Variants in OTOF observed in about 807,000 individuals in gnomAD.
OTOF encodes otoferlin.
In OTOF, 218 loss-of-function variants were observed where a neutral mutation model predicts 236.8. The ratio of observed to expected loss-of-function variants is 0.92; its 90% CI spans 0.82 to 1.03. The LOEUF is 1.03. OTOF is among the 50% of genes least tolerant of loss of function. OTOF has a pLI of 0.00. For missense variants in OTOF, 2,590 were observed against 2,694.4 expected (o/e 0.96, Z 0.86); for synonymous variants, 1,041 against 1,072.5 (o/e 0.97, Z 0.57).
At chr2:26,469,165 A>G (rs945813544) in intron 32 of OTOF, among the ~76,000 whole-genome samples, 6 of 152,256 alleles carry the variant, frequency 3.9e-5, no homozygotes, top group African/African-American at 1.4e-4. Context: ...TTAATGTACA[A>G]AAGTATAACA....
intron 1 of OTOF, among the ~76,000 whole-genome samples, chr2:26,539,544 T>C (rs1166466363): frequency 1.3e-5 from 2 of 152,156 alleles, no homozygotes; most frequent in Non-Finnish European, 2.9e-5. Flanking sequence ...GAGACCTGCT[T>C]GACCAACATG....
intron 15 of OTOF, 84 bp from the exon 16 acceptor site, chr2:26,480,395 G>T: frequency 1.2e-6 from 1 of 861,570 alleles, no homozygotes; most frequent in Non-Finnish European, 1.9e-6. Context: ...CTCACAGACA[G>T]GCCGTGGGGG....
chr2:26,507,349 C>G (rs1194551063), intron 5 of OTOF, among the ~76,000 whole-genome samples: 1 of 152,180 alleles, frequency 6.6e-6, no homozygotes, highest in Non-Finnish European at 1.5e-5. Flanking sequence ...CAGAAGTTCA[C>G]TATAGAAAAA....
At chr2:26,482,750 TGA>T (rs1665580531) in intron 13 of OTOF, among the ~76,000 whole-genome samples, 158 bp from the exon 14 acceptor site, 1 of 147,518 alleles carries the variant, frequency 6.8e-6, no homozygotes, top group African/African-American at 2.6e-5. Context: ...TGTGCGTGTG[TGA>T]GTGGGTGCAT....
At chr2:26,478,733 C>T (rs1445071185) in intron 18 of OTOF, among the ~76,000 whole-genome samples, 4 of 151,938 alleles carry the variant, frequency 2.6e-5, no homozygotes, top group East Asian at 1.9e-4. Flanking sequence ...AAGTTTTGCT[C>T]GGTTGCCCAG....
At chr2:26,557,294 C>T (rs1278713187) in intron 1 of OTOF, among the ~76,000 whole-genome samples, 2 of 152,152 alleles carry the variant, frequency 1.3e-5, no homozygotes, top group East Asian at 3.9e-4. Context: ...CCTCTCTGCC[C>T]CCTTCTCACC....
chr2:26,458,350 A>G, intron 46 of OTOF, 130 bp from the exon 47 acceptor site: 1 of 966,252 alleles, frequency 1.0e-6, no homozygotes, highest in Non-Finnish European at 1.6e-6. Context: ...TGAATGCTGG[A>G]GCCAGGGTTT....
chr2:26,513,720 G>A (rs549254215), intron 5 of OTOF, among the ~76,000 whole-genome samples: 1 of 152,340 alleles, frequency 6.6e-6, no homozygotes, highest in South Asian at 2.1e-4. Flanking sequence ...GAGGATGGAG[G>A]GCAGGGAGCA....
At chr2:26,474,202 G>A in intron 26 of OTOF, 92 bp from the exon 27 acceptor site, 2 of 1,555,714 alleles carry the variant, frequency 1.3e-6, no homozygotes, top group Non-Finnish European at 1.8e-6. Flanking sequence ...GGGGAGACAG[G>A]GAAACCCCCT....
In OTOF at chr2:26,466,824, G is replaced by T; in HGVS notation, c.4390C>A (p.Leu1464Ile). 6.2e-6 allele frequency: 10 copies of T among 1,614,248 alleles called. No homozygotes were observed. Among genetic ancestry groups the T allele is most frequent in the Non-Finnish European group, 7.6e-6 (9 of 1,180,046 alleles). The change falls in exon 36 of 47, where the codon CTC (leucine) becomes ATC (isoleucine). Residue 1464 changes from leucine (L) to isoleucine (I), a missense_variant. By Grantham distance (5) the Leu-to-Ile change is conservative. Transcript: ENST00000272371. ...GCTTCCCGGGACACGTCCTCTGGGA[G>T]TGGCACTTTGTACACGCAGAGGGAG... The part of the protein sequence containing the change: ...KGSLCVYKVP[L>I]PEDVSREAGY...
intron 1 of OTOF, 118 bp downstream of exon 1, chr2:26,558,375 C>A: frequency 1.1e-6 from 1 of 872,634 alleles, no homozygotes; most frequent in African/African-American, 1.7e-5. Flanking sequence ...TCGCCCCAGC[C>A]CCTGCTAGAA....
chr2:26,474,711 T>G, intron 25 of OTOF, 37 bp from the exon 26 acceptor site: 1 of 1,610,834 alleles, frequency 6.2e-7, no homozygotes, highest in East Asian at 2.2e-5. Flanking sequence ...TCTTGGTGCT[T>G]GCTGTCCACA....
At chr2:26,545,963 G>C (rs1277295851) in intron 1 of OTOF, among the ~76,000 whole-genome samples, 1 of 152,154 alleles carries the variant, frequency 6.6e-6, no homozygotes, top group Non-Finnish European at 1.5e-5. Flanking sequence ...ACAGGGATTA[G>C]AGGTACCAGC....
intron 2 of OTOF, among the ~76,000 whole-genome samples, chr2:26,529,567 G>A (rs1005093130): frequency 3.5e-4 from 53 of 152,120 alleles, no homozygotes; most frequent in Admixed American, 3.1e-3. Context: ...GGAGGCTTCT[G>A]TGAGCCCACC....
At position 26,537,728 on chromosome 2, in the gene OTOF, A is replaced by G; in HGVS notation, c.126T>C (p.Ala42=). 1.3e-6 allele frequency: 2 copies of G among 1,554,938 alleles called. No individual in the cohort carries two copies. The highest frequency in any genetic ancestry group is 1.4e-5 in the African/African-American group (1 of 73,260). ...SRVLENCEDV[A]DFDETFRWPV... ...TTGGGCCTCCTACCTCATCAAAGTC[A>G]GCCACATCCTCACAGTTCTCCAGGA... is the stretch of plus-strand genomic sequence containing the variant. The change falls in exon 2 of 47, where the codon GCT becomes GCC. Residue 42 remains alanine (A), a synonymous_variant. Coordinates refer to ENST00000272371, the MANE Select transcript of OTOF (RefSeq NM_194248.3).
intron 26 of OTOF, 33 bp from the exon 27 acceptor site, chr2:26,474,143 G>C: frequency 1.9e-6 from 3 of 1,612,308 alleles, no homozygotes; most frequent in Non-Finnish European, 2.5e-6. Flanking sequence ...CACACACTGG[G>C]GAGCCCAGGG....
chr2:26,524,663 C>T (rs1282830396), intron 3 of OTOF, among the ~76,000 whole-genome samples: 2 of 152,246 alleles, frequency 1.3e-5, no homozygotes, highest in Non-Finnish European at 2.9e-5. Flanking sequence ...AGTGGTTAGG[C>T]TGGTGGCTTT....
intron 2 of OTOF, among the ~76,000 whole-genome samples, chr2:26,533,054 C>T (rs750703954): frequency 6.6e-5 from 10 of 152,130 alleles, no homozygotes; most frequent in Admixed American, 3.9e-4. Flanking sequence ...AGAGGTGAGC[C>T]GCGGGTGAGC....
chr2:26,476,040 T>C lies in OTOF; in HGVS notation c.2867-2A>G. On this transcript the variant is annotated splice_acceptor_variant, in intron 23 of 46. Coordinates refer to ENST00000272371, the MANE Select transcript of OTOF (RefSeq NM_194248.3). LOFTEE classifies it high-confidence loss of function. ...CTCGGAGCTGGAACGCCTGCTTCTC[T>C]GTGGGGAAGGGCAGCCTGAGGTTCC... 2 of 1,612,664 alleles carry C rather than the reference T, an allele frequency of 1.2e-6. No individual in the cohort carries two copies. The highest frequency in any genetic ancestry group is 1.1e-5 in the South Asian group (1 of 91,020).
Sources: allele counts gnomAD v4.1 joint callset (sites outside exome capture counted in the v4.1 genomes callset), GRCh38; gene constraint gnomAD v4.1.1; transcripts MANE v1.5; gene names NCBI Gene and HGNC (gene_info 2026-07-23, HGNC 2026-07-21).